COL4A3: variants seen among roughly 807,000 people sequenced by gnomAD.
COL4A3 encodes collagen type IV alpha 3 chain, also known as collagen alpha-3(IV) chain.
A neutral mutation model predicts 217.4 loss-of-function variants in COL4A3; 135 were observed. The ratio of observed to expected loss-of-function variants is 0.62; its 90% CI spans 0.54 to 0.72. The LOEUF is 0.72. Among genes scored for constraint, COL4A3 ranks in the 30% least tolerant of loss-of-function variants. The pLI is 0.00. For synonymous variants in COL4A3, 690 were observed against 736.3 expected (o/e 0.94, Z 1.02); for missense variants, 1,868 against 2,119.9 (o/e 0.88, Z 2.33).
At chr2:227,231,352 T>A (rs2068394780) in intron 1 of COL4A3, among the ~76,000 whole-genome samples, 1 of 147,756 alleles carries the variant, frequency 6.8e-6, no homozygotes, top group Non-Finnish European at 1.5e-5. Context: ...ATCAGTTTTC[T>A]TTTATTTTTT....
rs1426592608 is a variant in COL4A3 at position 227,282,135 on chromosome 2, T to G, written c.2489-230T>G. 2.0e-5 allele frequency among the ~76,000 whole-genome samples: 3 copies of G among 151,742 alleles called. No homozygotes were observed. The highest frequency in any genetic ancestry group is 6.6e-5 in the Admixed American group (1 of 15,228). The stretch of plus-strand genomic sequence containing the variant: ...AAAAATACAAAACTTAGCTATGCAT[T>G]ATGGTGCACGCCTGTAGTCCCAGCT... On this transcript the variant is annotated intron_variant, in intron 31 of 51. Transcript: ENST00000396578. The surrounding 1 kb of genome is among the most constrained non-coding windows in gnomAD (Gnocchi z 4.4).
intron 1 of COL4A3, among the ~76,000 whole-genome samples, chr2:227,208,777 C>CAT (rs1303808501): frequency 7.2e-6 from 1 of 138,968 alleles, no homozygotes; most frequent in Non-Finnish European, 1.5e-5. Context: ...CACACACACA[C>CAT]ACACACACAC....
chr2:227,260,946 G>A (rs2070519072), intron 19 of COL4A3, 136 bp from the exon 20 acceptor site: 2 of 706,696 alleles, frequency 2.8e-6, no homozygotes. Flanking sequence ...TCTGATATTT[G>A]TCTAGGTGAG....
chr2:227,244,943 G>A lies in COL4A3; in HGVS notation c.280-8G>A. 1 of 1,609,054 alleles carries A rather than the reference G, an allele frequency of 6.2e-7. No homozygotes were observed. Among genetic ancestry groups the A allele is most frequent in the Non-Finnish European group, 8.5e-7 (1 of 1,177,632 alleles). The stretch of plus-strand genomic sequence containing the variant: ...TTTGCCACCCCCTCCTTTTTCCTAT[G>A]TCTTCAGGGAATAAGTGGATTGCCA... On this transcript the variant is annotated splice_polypyrimidine_tract_variant and splice_region_variant and intron_variant, in intron 4 of 51. Transcript: ENST00000396578.
chr2:227,277,728 A>G (rs2071669359), intron 28 of COL4A3, among the ~76,000 whole-genome samples, 175 bp downstream of exon 28: 1 of 152,178 alleles, frequency 6.6e-6, no homozygotes, highest in African/African-American at 2.4e-5. Context: ...GGCCAGGCGC[A>G]GTGGCTAATG....
intron 3 of COL4A3, among the ~76,000 whole-genome samples, chr2:227,242,066 T>C (rs1159707042): frequency 6.6e-6 from 1 of 152,152 alleles, no homozygotes; most frequent in African/African-American, 2.4e-5. Flanking sequence ...AGTTATGACA[T>C]TAAATACCTG....
At chr2:227,254,281 A>T in intron 14 of COL4A3, 107 bp downstream of exon 14, 1 of 992,708 alleles carries the variant, frequency 1.0e-6, no homozygotes. Flanking sequence ...AAAGAAAGTA[A>T]AGGAATAAAA....
In COL4A3 at chr2:227,245,970, C is replaced by T. The variant is rs1469741957; in HGVS notation, c.341C>T (p.Thr114Ile). 1.2e-6 allele frequency: 2 copies of T among 1,613,786 alleles called. No individual in the cohort carries two copies. Among genetic ancestry groups the T allele is most frequent in the East Asian group, 2.2e-5 (1 of 44,896 alleles). Reference protein sequence around the residue: ...SPGLPGTPGNTGPYGLVGVPG... With the variant: ...SPGLPGTPGNIGPYGLVGVPG... Reference sequence around the variant, plus strand: ...TTCTTCCAGGGCACCCCAGGCAATACCGGGCCTTACGGACTTGTCGGTGTA... The same window carrying T: ...TTCTTCCAGGGCACCCCAGGCAATATCGGGCCTTACGGACTTGTCGGTGTA... The change falls in exon 6 of 52, where the codon ACC (threonine) becomes ATC (isoleucine). Residue 114 changes from threonine (T) to isoleucine (I), a missense_variant. Around this residue, in one of 2 missense-constraint regions of COL4A3, gnomAD observed 365 missense variants for 333.8 expected, o/e 1.09. Transcript: ENST00000396578.
intron 1 of COL4A3, among the ~76,000 whole-genome samples, chr2:227,195,946 A>C (rs945639917): frequency 1.3e-5 from 2 of 152,072 alleles, no homozygotes; most frequent in Non-Finnish European, 2.9e-5. Context: ...TAAATAAATA[A>C]ACAATTTAAA....
At position 227,254,823 on chromosome 2, in the gene COL4A3, T is replaced by G. The variant is rs142304427; in HGVS notation, c.888+108T>G. On this transcript the variant is annotated intron_variant, in intron 15 of 51. Coordinates refer to ENST00000396578, the MANE Select transcript of COL4A3 (RefSeq NM_000091.5). ...ACTCAAACTAGCTCAAGCTAAAAAT[T>G]TCTGTTCTTTAAGATTTGGGAGGCA... The G allele has an allele frequency of 3.6e-6, 3 of 827,126 alleles. No individual in the cohort carries two copies. The East Asian group carries it at 7.6e-5, about 21-fold the overall frequency. 51.2% of individuals were successfully genotyped at this position (827,126 alleles called of 1,614,324 possible).
chr2:227,303,216 A>G, intron 44 of COL4A3, 106 bp downstream of exon 44: 1 of 899,256 alleles, frequency 1.1e-6, no homozygotes, highest in Non-Finnish European at 1.9e-6. Flanking sequence ...GGTTAGTACA[A>G]ATAGGACCTC....
intron 36 of COL4A3, 117 bp downstream of exon 36, chr2:227,290,205 T>G (rs538760160): frequency 1.8e-5 from 18 of 1,015,762 alleles, no homozygotes; most frequent in Non-Finnish European, 2.6e-5. Flanking sequence ...ATTAAAAAAC[T>G]AGATTTGCGG....
chr2:227,226,914 G>A (rs150346340), intron 1 of COL4A3, among the ~76,000 whole-genome samples: 4 of 152,318 alleles, frequency 2.6e-5, no homozygotes, highest in East Asian at 1.9e-4. Flanking sequence ...CAAAATGAAG[G>A]CTACTATGCA....
chr2:227,178,497 A>G (rs954430561), intron 1 of COL4A3, among the ~76,000 whole-genome samples: 1 of 152,208 alleles, frequency 6.6e-6, no homozygotes. Context: ...ATGCTTTCTT[A>G]ACAAATGTCT....
intron 3 of COL4A3, 131 bp from the exon 4 acceptor site, chr2:227,244,189 C>A: frequency 1.3e-6 from 1 of 747,574 alleles, no homozygotes; most frequent in Non-Finnish European, 2.4e-6. Context: ...GCAATTGAAT[C>A]TTATTAACAA....
At chr2:227,227,144 T>C (rs1171286059) in intron 1 of COL4A3, among the ~76,000 whole-genome samples, 1 of 152,254 alleles carries the variant, frequency 6.6e-6, no homozygotes, top group Non-Finnish European at 1.5e-5. Context: ...CAAGCTGCTG[T>C]CTGCCAAGTC....
Position 227,277,467 on chromosome 2 carries a change from G to A in COL4A3, c.2039G>A (p.Gly680Glu). The part of the protein sequence containing the change: ...QGPPGIPGSL[G>E]KCGDPGLPGP... ...TTCTAAGGTATCCCTGGATCCCTGG[G>A]GAAATGTGGAGATCCTGGTCTTCCA... The change falls in exon 28 of 52, where the codon GGG becomes GAG. Residue 680 changes from glycine to glutamate, a missense_variant. Gly to Glu is a moderately conservative substitution (Grantham distance 98, BLOSUM62 -2). Coordinates refer to ENST00000396578, the MANE Select transcript of COL4A3 (RefSeq NM_000091.5). The A allele has an allele frequency of 6.2e-7, 1 of 1,611,880 alleles. No individual in the cohort carries two copies. Among genetic ancestry groups the A allele is most frequent in the South Asian group, 1.1e-5 (1 of 90,264 alleles).
Position 227,164,667 on chromosome 2 carries a change from G to T in COL4A3, c.-60G>T. 1.3e-6 allele frequency: 2 copies of T among 1,528,830 alleles called. No individual in the cohort carries two copies. Among genetic ancestry groups the T allele is most frequent in the Non-Finnish European group, 1.7e-6 (2 of 1,143,948 alleles). The allele number at this position is 1,528,830 out of a possible 1,614,324, so 94.7% of individuals were successfully genotyped here. ...CCCAGAGCCGCGCTGCGCAGGAGACGCGGTGGCCTGAGAGCCTGAGGGTCC... is the reference window on the plus strand; with the variant it reads ...CCCAGAGCCGCGCTGCGCAGGAGACTCGGTGGCCTGAGAGCCTGAGGGTCC... On this transcript the variant is annotated 5_prime_UTR_variant, in exon 1 of 52. Transcript: ENST00000396578. This position sits in a 1 kb window ranked among gnomAD's most constrained non-coding sequence, Gnocchi z 4.8.
intron 28 of COL4A3, 22 bp downstream of exon 28, chr2:227,277,575 A>G (rs781110173): frequency 6.8e-7 from 1 of 1,466,338 alleles, no homozygotes; most frequent in East Asian, 2.3e-5. Context: ...ATTTTTTCAA[A>G]CATAAAGTTT....
Sources: gnomAD v4.1 joint callset for allele counts (sites outside exome capture counted in the v4.1 genomes callset) on GRCh38, gnomAD v4.1.1 for gene constraint, gnomAD v4.1.1 regional missense constraint, Gnocchi (gnomAD v3.1) non-coding constraint, MANE v1.5 for transcripts, NCBI Gene and HGNC (gene_info 2026-07-23, HGNC 2026-07-21) for gene names.